Variants in MPV17L observed in about 807,000 individuals in gnomAD.
The protein encoded by MPV17L is MPV17 mitochondrial inner membrane protein like.
Under a neutral mutation model 25.8 loss-of-function variants are expected in MPV17L, and 24 were observed. That is an observed-to-expected ratio of 0.93 (90% CI 0.67 to 1.31). MPV17L has a LOEUF of 1.31. Among genes scored for constraint, MPV17L ranks in the 50% most tolerant of loss-of-function variants. The pLI, the probability that MPV17L is intolerant of heterozygous loss-of-function variation, is 0.00. For missense variants in MPV17L, 250 were observed against 265.6 expected, an observed-to-expected ratio of 0.94 and a Z score of 0.41; for synonymous variants, 102 against 115.3, an observed-to-expected ratio of 0.88 and a Z score of 0.74.
rs1299045268 is a variant in MPV17L at position 15,399,281 on chromosome 16, T to C, written c.311-1506T>C. ...CATGTAAGAATCGTCTGTAATTAACTAATAAAGCTCTTATATTCCCTCCCT... is the reference window on the plus strand; with the variant it reads ...CATGTAAGAATCGTCTGTAATTAACCAATAAAGCTCTTATATTCCCTCCCT... On this transcript the variant is annotated intron_variant, in intron 1 of 3. Coordinates refer to ENST00000396385, the MANE Select transcript of MPV17L (RefSeq NM_001128423.2). 30 of 381,998 alleles carry C rather than the reference T, an allele frequency of 7.9e-5. No individual in the cohort carries two copies. In the East Asian group the frequency reaches 1.4e-3, roughly 18 times the overall value. 23.7% of individuals were successfully genotyped at this position (381,998 alleles called of 1,614,324 possible).
chr16:15,400,671 A>G, intron 1 of MPV17L, 116 bp from the exon 2 acceptor site: 1 of 612,808 alleles, frequency 1.6e-6, no homozygotes. Flanking sequence ...TCAGAGGGTC[A>G]TATTGTTGGA....
chr16:15,399,430 G>C (rs2050614808), intron 1 of MPV17L: 3 of 453,614 alleles, frequency 6.6e-6, no homozygotes, highest in Non-Finnish European at 1.3e-5. Context: ...TTCTGAGACA[G>C]GGTCTCACTC....
At chr16:15,399,031 C>G (rs1389838624) in intron 1 of MPV17L, among the ~76,000 whole-genome samples, 2 of 151,182 alleles carry the variant, frequency 1.3e-5, no homozygotes, top group Non-Finnish European at 3.0e-5. Context: ...CTGGGGCTAC[C>G]TTGGGGAACC....
rs772411348 is a variant in MPV17L at position 15,412,951 on chromosome 16, G to A, written c.*4839G>A. 2 of 152,136 alleles carry A rather than the reference G, an allele frequency of 1.3e-5. No homozygotes were observed. The highest frequency in any genetic ancestry group is 2.1e-4 in the South Asian group (1 of 4,816). 9.4% of individuals were successfully genotyped at this position (152,136 alleles called of 1,614,324 possible). On this transcript the variant is annotated 3_prime_UTR_variant, in exon 4 of 4. Transcript: ENST00000396385. ...TGTTTACTGTTTCTCTTCCAAGGAC[G>A]GTCAGTCATCCTTTAAAATTCATTT...
intron 1 of MPV17L, among the ~76,000 whole-genome samples, chr16:15,397,964 C>G (rs887769264): frequency 6.6e-6 from 1 of 152,132 alleles, no homozygotes; most frequent in Non-Finnish European, 1.5e-5. Context: ...GCACCTGTTA[C>G]AGGAACCTGG....
Position 15,413,264 on chromosome 16 carries a change from T to C in MPV17L, c.*5152T>C, listed in dbSNP as rs1466023282. 3 of 152,192 alleles carry C rather than the reference T, an allele frequency of 2.0e-5. No homozygotes were observed. In the East Asian group the frequency reaches 5.8e-4, roughly 29 times the overall value. 9.4% of individuals were successfully genotyped at this position (152,192 alleles called of 1,614,324 possible). On this transcript the variant is annotated 3_prime_UTR_variant, in exon 4 of 4. Coordinates refer to ENST00000396385, the MANE Select transcript of MPV17L (RefSeq NM_001128423.2). Reference sequence around the variant, plus strand: ...AAAATTAAATCACTGCTAATGCAATTAAAATGACTGAAAAAGTTTCTTTTA... The same window carrying C: ...AAAATTAAATCACTGCTAATGCAATCAAAATGACTGAAAAAGTTTCTTTTA...
intron 2 of MPV17L, among the ~76,000 whole-genome samples, chr16:15,401,906 T>A (rs1869616399): frequency 6.6e-6 from 1 of 152,174 alleles, no homozygotes; most frequent in Non-Finnish European, 1.5e-5. Flanking sequence ...TTATATTAAC[T>A]CTTAGTAATG....
chr16:15,404,097 C>T (rs776950731), intron 2 of MPV17L, among the ~76,000 whole-genome samples: 7 of 151,784 alleles, frequency 4.6e-5, no homozygotes, highest in Non-Finnish European at 8.8e-5. Flanking sequence ...ACAGTGAGAC[C>T]CTGTCTCAAA....
At chr16:15,407,342 C>A (rs768458232) in intron 2 of MPV17L, among the ~76,000 whole-genome samples, 2 of 152,092 alleles carry the variant, frequency 1.3e-5, no homozygotes, top group Non-Finnish European at 2.9e-5. Context: ...CTTAAGTAGT[C>A]TAAGTTAATC....
Position 15,396,075 on chromosome 16 carries a change from G to A in MPV17L, c.178G>A (p.Ala60Thr). Residue 60 changes from alanine (A) to threonine (T), a missense_variant, in exon 1 of 4, where the codon GCC becomes ACC. Coordinates refer to ENST00000396385, the MANE Select transcript of MPV17L (RefSeq NM_001128423.2). ...GGCCACGTTGGTGGTGACCTTCCAC[G>A]CCAACTTCAACTACGTGTGGCTGCG... ...RVATLVVTFH[A>T]NFNYVWLRLL... The A allele has an allele frequency of 3.9e-6, 6 of 1,545,034 alleles. No individual in the cohort carries two copies. The highest frequency in any genetic ancestry group is 5.2e-6 in the Non-Finnish European group (6 of 1,148,312).
chr16:15,401,111 T>TA (rs1555502691), intron 2 of MPV17L, among the ~76,000 whole-genome samples: 2 of 125,090 alleles, frequency 1.6e-5, no homozygotes, highest in Non-Finnish European at 3.3e-5. Flanking sequence ...TTTTTTTTTT[T>TA]AATTAAAAAA....
intron 2 of MPV17L, among the ~76,000 whole-genome samples, chr16:15,407,271 G>T (rs2050688604): frequency 6.6e-6 from 1 of 151,958 alleles, no homozygotes; most frequent in African/African-American, 2.4e-5. Flanking sequence ...ATTAATATAG[G>T]AATGTCTTCT....
chr16:15,401,096 T>A (rs1266966019), intron 2 of MPV17L, among the ~76,000 whole-genome samples: 19 of 119,130 alleles, frequency 1.6e-4, no homozygotes, highest in African/African-American at 3.0e-4. Flanking sequence ...ATTTTTTTTT[T>A]TTTTTTTTTT....
At chr16:15,398,201 G>A (rs1326544444) in intron 1 of MPV17L, among the ~76,000 whole-genome samples, 3 of 151,986 alleles carry the variant, frequency 2.0e-5, no homozygotes, top group African/African-American at 4.8e-5. Flanking sequence ...ACACCACCAT[G>A]CCCACCTAAT....
At chr16:15,404,358 A>G (rs1472839254) in intron 2 of MPV17L, among the ~76,000 whole-genome samples, 1 of 152,148 alleles carries the variant, frequency 6.6e-6, no homozygotes, top group Non-Finnish European at 1.5e-5. Flanking sequence ...ATGGCAGCAA[A>G]GGAAACCAAA....
At chr16:15,397,041 A>G (rs1262051585) in intron 1 of MPV17L, among the ~76,000 whole-genome samples, 1 of 152,166 alleles carries the variant, frequency 6.6e-6, no homozygotes, top group African/African-American at 2.4e-5. Context: ...TTAACGAGTC[A>G]CAAAGGACTC....
chr16:15,399,095 C>T (rs1490626261), intron 1 of MPV17L, among the ~76,000 whole-genome samples: 1 of 151,930 alleles, frequency 6.6e-6, no homozygotes, highest in Non-Finnish European at 1.5e-5. Flanking sequence ...CTGGGTTGAA[C>T]TCTGTCCGCT....
At chr16:15,397,499 T>C (rs976227983) in intron 1 of MPV17L, among the ~76,000 whole-genome samples, 1 of 152,088 alleles carries the variant, frequency 6.6e-6, no homozygotes, top group Non-Finnish European at 1.5e-5. Flanking sequence ...CCCCGTCTGC[T>C]CACAGGAGGG....
intron 1 of MPV17L, chr16:15,399,412 T>C (rs1479701673): frequency 8.8e-6 from 4 of 454,242 alleles, no homozygotes; most frequent in African/African-American, 2.0e-5. Context: ...ACTTTTTTCC[T>C]TTTCTTTTTC....
Sources: allele counts gnomAD v4.1 joint callset (sites outside exome capture counted in the v4.1 genomes callset), GRCh38; gene constraint gnomAD v4.1.1; transcripts MANE v1.5; gene names NCBI Gene and HGNC (gene_info 2026-07-23, HGNC 2026-07-21).